The following KCNJ3 variants were observed in gnomAD, a reference collection of about 807,000 sequenced individuals.
KCNJ3 encodes the protein G protein-activated inward rectifier potassium channel 1.
KCNJ3 carries 4 observed loss-of-function variants against 39.2 expected under a neutral mutation model. That is an observed-to-expected ratio of 0.10 (90% CI 0.05 to 0.23). The LOEUF (loss-of-function observed/expected upper bound fraction) is 0.23. KCNJ3 is among the 10% of genes least tolerant of loss of function. KCNJ3 has a pLI of 1.00. For missense variants in KCNJ3, 276 were observed against 634.9 expected, an observed-to-expected ratio of 0.43 and a Z score of 6.08; for synonymous variants, 230 against 237.4, an observed-to-expected ratio of 0.97 and a Z score of 0.29.
Position 154,854,780 on chromosome 2 carries a change from C to T in KCNJ3, c.973C>T (p.His325Tyr), listed in dbSNP as rs1439160814. 3 of 1,613,774 alleles carry T rather than the reference C, an allele frequency of 1.9e-6. No homozygotes were observed. The South Asian group carries it at 3.3e-5, about 18-fold the overall frequency. ...TACTGAAGATGAAGTTCTTTGGGGT[C>T]ATCGTTTTTTTCCTGTAATTTCCTT... ...SYTEDEVLWG[H>Y]RFFPVISLEE... The change falls in exon 3 of 3, where the codon CAT (histidine) becomes TAT (tyrosine). Residue 325 changes from histidine to tyrosine, a missense_variant. Coordinates refer to ENST00000295101, the MANE Select transcript of KCNJ3 (RefSeq NM_002239.4).
At chr2:154,761,377 A>G in intron 2 of KCNJ3, among the ~76,000 whole-genome samples, 1 of 152,198 alleles carries the variant, frequency 6.6e-6, no homozygotes, top group East Asian at 1.9e-4. Flanking sequence ...AATTATTGCA[A>G]TTGTAAGATA....
intron 2 of KCNJ3, among the ~76,000 whole-genome samples, chr2:154,736,790 C>T (rs541047077): frequency 2.2e-4 from 34 of 152,286 alleles, no homozygotes; most frequent in Admixed American, 1.2e-3. Flanking sequence ...TTGGATGTCA[C>T]ACGAGGAAGT....
intron 2 of KCNJ3, among the ~76,000 whole-genome samples, chr2:154,716,655 A>G (rs1385933325): frequency 6.6e-6 from 1 of 152,174 alleles, no homozygotes; most frequent in Non-Finnish European, 1.5e-5. Context: ...ATTGTATTAT[A>G]TTTAACTCAA....
chr2:154,736,814 A>AAG (rs1685555514), intron 2 of KCNJ3, among the ~76,000 whole-genome samples: 4 of 152,182 alleles, frequency 2.6e-5, no homozygotes, highest in Non-Finnish European at 5.9e-5. Flanking sequence ...GTGATTCCTG[A>AAG]GAGACAAGAA....
intron 1 of KCNJ3, among the ~76,000 whole-genome samples, chr2:154,708,558 C>T (rs907200925): frequency 6.6e-6 from 1 of 152,098 alleles, no homozygotes; most frequent in African/African-American, 2.4e-5. Flanking sequence ...CCACCTTCCC[C>T]CCATTTTTTT....
At chr2:154,781,536 G>A (rs1340305468) in intron 2 of KCNJ3, among the ~76,000 whole-genome samples, 1 of 152,158 alleles carries the variant, frequency 6.6e-6, no homozygotes, top group South Asian at 2.1e-4. Flanking sequence ...ACAAAGTACG[G>A]ATGCAAGAAT....
chr2:154,805,321 G>A (rs1186814673), intron 2 of KCNJ3, among the ~76,000 whole-genome samples: 1 of 152,144 alleles, frequency 6.6e-6, no homozygotes, highest in Non-Finnish European at 1.5e-5. Flanking sequence ...TTGTGTAAGT[G>A]CCTTGATAGG....
chr2:154,788,048 A>G (rs1686565340), intron 2 of KCNJ3, among the ~76,000 whole-genome samples: 1 of 152,144 alleles, frequency 6.6e-6, no homozygotes, highest in Non-Finnish European at 1.5e-5. Flanking sequence ...AAGAAGTGGA[A>G]CAGCTGATAT....
chr2:154,830,881 T>G (rs1279096233), intron 2 of KCNJ3, among the ~76,000 whole-genome samples: 1 of 152,198 alleles, frequency 6.6e-6, no homozygotes, highest in Admixed American at 6.5e-5. Context: ...TTTTTATCTT[T>G]CCTTTCTTAC....
chr2:154,824,674 T>TAAAC (rs1019321408), intron 2 of KCNJ3, among the ~76,000 whole-genome samples: 1 of 152,212 alleles, frequency 6.6e-6, no homozygotes, highest in Non-Finnish European at 1.5e-5. Flanking sequence ...ATGTATTTTA[T>TAAAC]AAACAGGAAA....
intron 2 of KCNJ3, among the ~76,000 whole-genome samples, chr2:154,852,010 C>T (rs1430809934): frequency 1.3e-5 from 2 of 152,088 alleles, no homozygotes; most frequent in Admixed American, 6.5e-5. Flanking sequence ...TCAAAATTTA[C>T]TTTGTGATTG....
intron 1 of KCNJ3, among the ~76,000 whole-genome samples, chr2:154,707,467 G>A (rs1299079055): frequency 6.6e-6 from 1 of 151,918 alleles, no homozygotes; most frequent in Non-Finnish European, 1.5e-5. Flanking sequence ...TATATCCATG[G>A]GTTATTAAAT....
At chr2:154,729,931 G>A (rs750872727) in intron 2 of KCNJ3, among the ~76,000 whole-genome samples, 10 of 152,142 alleles carry the variant, frequency 6.6e-5, no homozygotes, top group Non-Finnish European at 1.0e-4. Context: ...TCAGAAGCAG[G>A]CAGTCAGGCT....
chr2:154,803,253 A>T (rs1199953681), intron 2 of KCNJ3, among the ~76,000 whole-genome samples: 1 of 152,056 alleles, frequency 6.6e-6, no homozygotes, highest in Non-Finnish European at 1.5e-5. Flanking sequence ...TTTTTAGCAA[A>T]TAGTATTCAT....
chr2:154,796,675 T>C (rs547502884), intron 2 of KCNJ3, among the ~76,000 whole-genome samples: 125 of 152,098 alleles, frequency 8.2e-4, no homozygotes, highest in Non-Finnish European at 1.4e-3. Flanking sequence ...AAGTATGCTA[T>C]ATAACAGAGT....
At chr2:154,709,134 T>G (rs1354221254) in intron 1 of KCNJ3, among the ~76,000 whole-genome samples, 1 of 152,234 alleles carries the variant, frequency 6.6e-6, no homozygotes, top group Non-Finnish European at 1.5e-5. Flanking sequence ...TGTTGTGTTT[T>G]GCTTTTTAGT....
rs150416770 is a variant in KCNJ3 at position 154,763,839 on chromosome 2, G to A, written c.919+54020G>A. Among the ~76,000 whole-genome samples, 14 of 152,268 alleles carry A rather than the reference G, an allele frequency of 9.2e-5. No homozygotes were observed. The East Asian group carries it at 2.3e-3, about 25-fold the overall frequency. On this transcript the variant is annotated intron_variant, in intron 2 of 2. Coordinates refer to ENST00000295101, the MANE Select transcript of KCNJ3 (RefSeq NM_002239.4). ...TAAAATGAAGATATTTCAGAGGTTA[G>A]ATAGAAACAAGTGAAAAGATTTAGC...
chr2:154,778,049 G>A lies in KCNJ3; in HGVS notation c.919+68230G>A, dbSNP rs1202564743. On this transcript the variant is annotated intron_variant, in intron 2 of 2. Coordinates refer to ENST00000295101, the MANE Select transcript of KCNJ3 (RefSeq NM_002239.4). Reference sequence around the variant, plus strand: ...TCCTAATTCTTCTTCACAAAGGAGAGTAACAATTAGAAATCATAAAGAAAA... The same window carrying A: ...TCCTAATTCTTCTTCACAAAGGAGAATAACAATTAGAAATCATAAAGAAAA... Among the ~76,000 whole-genome samples, 4 of 152,054 alleles carry A rather than the reference G, an allele frequency of 2.6e-5. No homozygotes were observed. The East Asian group carries it at 7.7e-4, about 29-fold the overall frequency.
intron 2 of KCNJ3, among the ~76,000 whole-genome samples, chr2:154,818,918 CTTTTTTTTTTTTTTTTTTTT>C (rs57668487): frequency 1.9e-5 from 1 of 52,430 alleles, no homozygotes; most frequent in Admixed American, 3.7e-4. Context: ...CTGCAAAAGC[CTTTTTTTTTTTTTTTTTTTT>C]TTTTTTTTTT....
Sources: allele counts gnomAD v4.1 joint callset (sites outside exome capture counted in the v4.1 genomes callset), GRCh38; gene constraint gnomAD v4.1.1; transcripts MANE v1.5; gene names NCBI Gene and HGNC (gene_info 2026-07-23, HGNC 2026-07-21).